Variants in ADIPOR2 observed in about 807,000 individuals in gnomAD.
The protein encoded by ADIPOR2 is adiponectin receptor 2, also known as adiponectin receptor protein 2.
In ADIPOR2, 18 loss-of-function variants were observed where a neutral mutation model predicts 40.9. That is an observed-to-expected ratio of 0.44 (90% confidence interval 0.30 to 0.65). ADIPOR2 has a LOEUF of 0.65. Ranked by LOEUF, ADIPOR2 falls within the 30% of genes least tolerant of loss-of-function variation. ADIPOR2 has a pLI of 0.09. For missense variants in ADIPOR2, 283 were observed against 479.2 expected, an observed-to-expected ratio of 0.59 and a Z score of 3.82; for synonymous variants, 165 against 166.4, an observed-to-expected ratio of 0.99 and a Z score of 0.06.
At chr12:1,717,960 G>T (rs1392581834) in intron 1 of ADIPOR2, among the ~76,000 whole-genome samples, 2 of 152,028 alleles carry the variant, frequency 1.3e-5, no homozygotes, top group Admixed American at 1.3e-4. Flanking sequence ...GCTTGAAACT[G>T]TGACTTTATA....
chr12:1,748,049 A>G (rs1162051715), intron 1 of ADIPOR2, among the ~76,000 whole-genome samples: 2 of 151,980 alleles, frequency 1.3e-5, no homozygotes, highest in African/African-American at 4.8e-5. Flanking sequence ...TTAGAGTACC[A>G]AACTGTGCCT....
chr12:1,785,991 T>C lies in ADIPOR2; in HGVS notation c.1080T>C (p.Phe360=), dbSNP rs1351057372. 6.2e-7 allele frequency: 1 copy of C among 1,614,222 alleles called. No homozygotes were observed. Among genetic ancestry groups the C allele is most frequent in the Admixed American group, 1.7e-5 (1 of 60,034 alleles). The change falls in exon 8 of 8, where the codon TTT becomes TTC. Residue 360 remains phenylalanine, a synonymous_variant. Coordinates refer to ENST00000357103, the MANE Select transcript of ADIPOR2 (RefSeq NM_024551.3). ...ATATCTTTGTGGTTGCTGGAGCTTTTGTTCACTTCCATGGTGTCTCAAACC... is the reference window on the plus strand; with the variant it reads ...ATATCTTTGTGGTTGCTGGAGCTTTCGTTCACTTCCATGGTGTCTCAAACC... ...LFHIFVVAGA[F]VHFHGVSNLQ... is the part of the protein sequence containing the mutation.
At chr12:1,754,749 A>AC (rs1415742146) in intron 2 of ADIPOR2, among the ~76,000 whole-genome samples, 9 of 150,538 alleles carry the variant, frequency 6.0e-5, no homozygotes, top group Admixed American at 1.3e-4. Context: ...TACTACTACT[A>AC]TTGAGACGGA....
intron 1 of ADIPOR2, among the ~76,000 whole-genome samples, chr12:1,710,780 G>A (rs1210786113): frequency 6.6e-6 from 1 of 152,080 alleles, no homozygotes; most frequent in Admixed American, 6.5e-5. Flanking sequence ...TCAGCCAAAG[G>A]TTCAGTGGGT....
chr12:1,786,185 C>T lies in ADIPOR2; in HGVS notation c.*113C>T, dbSNP rs1289509638. On this transcript the variant is annotated 3_prime_UTR_variant, in exon 8 of 8. Coordinates refer to ENST00000357103, the MANE Select transcript of ADIPOR2 (RefSeq NM_024551.3). ...AGGAGCCCCAAAACTTTGACAGCCT[C>T]GTGGGCTTTGTGACGGCCCAGTGGC... 22 of 1,437,456 alleles carry T rather than the reference C, an allele frequency of 1.5e-5. No homozygotes were observed. The highest frequency in any genetic ancestry group is 2.0e-5 in the Non-Finnish European group (21 of 1,066,954). 89.0% of individuals were successfully genotyped at this position (1,437,456 alleles called of 1,614,324 possible). A position where few individuals can be genotyped will look rare whatever the true frequency, so the allele number is the denominator to read the frequency against.
chr12:1,718,901 A>C (rs2094692667), intron 1 of ADIPOR2, among the ~76,000 whole-genome samples: 1 of 152,226 alleles, frequency 6.6e-6, no homozygotes, highest in African/African-American at 2.4e-5. Flanking sequence ...TGCTGGGGGA[A>C]AAAAGAAGTG....
At chr12:1,738,425 A>G (rs1169038303) in intron 1 of ADIPOR2, among the ~76,000 whole-genome samples, 1 of 152,048 alleles carries the variant, frequency 6.6e-6, no homozygotes, top group Non-Finnish European at 1.5e-5. Flanking sequence ...TGTAAATTTA[A>G]CTCTGTATTG....
chr12:1,742,841 T>A (rs975297936), intron 1 of ADIPOR2, among the ~76,000 whole-genome samples: 1 of 152,202 alleles, frequency 6.6e-6, no homozygotes, highest in Non-Finnish European at 1.5e-5. Context: ...CCCATTGATA[T>A]AGAGGGCTGA....
At chr12:1,767,573 A>T (rs984795145) in intron 2 of ADIPOR2, among the ~76,000 whole-genome samples, 2 of 152,152 alleles carry the variant, frequency 1.3e-5, no homozygotes, top group Non-Finnish European at 2.9e-5. Context: ...CTTGCTACAC[A>T]TTTCCAATTT....
Position 1,783,933 on chromosome 12 carries a change from A to G in ADIPOR2, c.892A>G (p.Ile298Val), listed in dbSNP as rs773814366. 4 of 1,611,906 alleles carry G rather than the reference A, an allele frequency of 2.5e-6. No individual in the cohort carries two copies. The highest frequency in any genetic ancestry group is 2.7e-5 in the African/African-American group (2 of 74,550). Reference sequence around the variant, plus strand: ...AATCATTCCTACCTTGCACTATGTCATCTCGGAGGGGTTCCTTAAGGCCGC... The same window carrying G: ...AATCATTCCTACCTTGCACTATGTCGTCTCGGAGGGGTTCCTTAAGGCCGC... ...SGIIPTLHYV[I>V]SEGFLKAATI... is the part of the protein sequence containing the mutation. Residue 298 changes from isoleucine (I) to valine (V), a missense_variant, in exon 7 of 8, where the codon ATC becomes GTC. Ile to Val is a conservative substitution (Grantham distance 29, BLOSUM62 3). Around this residue, in one of 3 missense-constraint regions of ADIPOR2, gnomAD observed 106 missense variants for 149.7 expected, o/e 0.71. Transcript: ENST00000357103.
At chr12:1,702,383 T>C (rs958165212) in intron 1 of ADIPOR2, among the ~76,000 whole-genome samples, 3 of 152,210 alleles carry the variant, frequency 2.0e-5, no homozygotes, top group Non-Finnish European at 2.9e-5. Context: ...TTGGATATTG[T>C]CAAATTTGCT....
At position 1,787,866 on chromosome 12, in the gene ADIPOR2, C is replaced by A. The variant is rs531496109; in HGVS notation, c.*1794C>A. 1 of 152,604 alleles carries A rather than the reference C, an allele frequency of 6.6e-6. No individual in the cohort carries two copies. Among genetic ancestry groups the A allele is most frequent in the Admixed American group, 6.5e-5 (1 of 15,288 alleles). The allele number at this position is 152,604 out of a possible 1,614,324, so 9.5% of individuals were successfully genotyped here. A position where few individuals can be genotyped will look rare whatever the true frequency, so the allele number is the denominator to read the frequency against. On this transcript the variant is annotated 3_prime_UTR_variant, in exon 8 of 8. Transcript: ENST00000357103. The stretch of plus-strand genomic sequence containing the variant: ...GTGTAGAAGTTGAGAAGAACTTGAA[C>A]GTTTTGGTTCTGGATAAGGTCACTG...
intron 1 of ADIPOR2, among the ~76,000 whole-genome samples, chr12:1,714,713 T>G (rs1380317706): frequency 1.3e-5 from 2 of 152,158 alleles, no homozygotes; most frequent in Non-Finnish European, 2.9e-5. Context: ...ATTTGTCCCT[T>G]TCTTCGACTG....
chr12:1,744,969 A>G (rs764731092), intron 1 of ADIPOR2, among the ~76,000 whole-genome samples: 2 of 152,212 alleles, frequency 1.3e-5, no homozygotes, highest in Non-Finnish European at 2.9e-5. Context: ...TTAAAGAAAA[A>G]TGGGTGCCCT....
intron 1 of ADIPOR2, among the ~76,000 whole-genome samples, chr12:1,712,134 T>A (rs1236782655): frequency 6.6e-6 from 1 of 151,978 alleles, no homozygotes; most frequent in East Asian, 1.9e-4. Context: ...CTGCCATCAG[T>A]GTATAGGTTA....
intron 1 of ADIPOR2, among the ~76,000 whole-genome samples, chr12:1,694,657 T>TA (rs1205768118): frequency 6.6e-6 from 1 of 152,194 alleles, no homozygotes; most frequent in Non-Finnish European, 1.5e-5. Context: ...CTGTATAATG[T>TA]AAAAAAATTC....
At chr12:1,732,212 CTG>C (rs1428526499) in intron 1 of ADIPOR2, among the ~76,000 whole-genome samples, 2 of 152,294 alleles carry the variant, frequency 1.3e-5, no homozygotes, top group African/African-American at 4.8e-5. Flanking sequence ...AGGGTTCACT[CTG>C]TGTGTTGTAC....
intron 1 of ADIPOR2, among the ~76,000 whole-genome samples, chr12:1,751,524 C>T (rs1195678630): frequency 2.0e-5 from 3 of 151,894 alleles, no homozygotes; most frequent in Non-Finnish European, 2.9e-5. Context: ...TTTTTTATTA[C>T]GAGATGGGGT....
intron 3 of ADIPOR2, among the ~76,000 whole-genome samples, chr12:1,775,102 C>T (rs1274861727): frequency 1.3e-5 from 2 of 152,190 alleles, no homozygotes; most frequent in Admixed American, 6.5e-5. Context: ...TCCCATAGTG[C>T]TGGGATTACA....
Sources: allele counts gnomAD v4.1 joint callset (sites outside exome capture counted in the v4.1 genomes callset), GRCh38; gene constraint gnomAD v4.1.1; regional missense constraint gnomAD v4.1.1; transcripts MANE v1.5; gene names NCBI Gene and HGNC (gene_info 2026-07-23, HGNC 2026-07-21).